The following PLPP4 variants were observed in gnomAD, a reference collection of about 807,000 sequenced individuals.
PLPP4 encodes the protein diacylglycerol pyrophosphate like 2.
A neutral mutation model predicts 32.2 loss-of-function variants in PLPP4; 20 were observed. The observed-to-expected ratio is 0.62, with a 90% CI of 0.44 to 0.90. The LOEUF (loss-of-function observed/expected upper bound fraction) is 0.90. Ranked by LOEUF, PLPP4 falls within the 40% of genes least tolerant of loss-of-function variation. The pLI is 0.00. For missense variants in PLPP4, 257 were observed against 353.1 expected (o/e 0.73, Z 2.18); for synonymous variants, 127 against 133.0 (o/e 0.95, Z 0.31).
intron 6 of PLPP4, among the ~76,000 whole-genome samples, chr10:120,586,972 A>G (rs535806520): frequency 2.6e-4 from 40 of 152,304 alleles, no homozygotes; most frequent in Middle Eastern, 3.4e-3. Flanking sequence ...GCTCTGAAAT[A>G]TGAATAGAAA....
At chr10:120,570,490 A>G (rs1185876895) in intron 5 of PLPP4, among the ~76,000 whole-genome samples, 1 of 152,186 alleles carries the variant, frequency 6.6e-6, no homozygotes, top group Non-Finnish European at 1.5e-5. Flanking sequence ...ATAATTAGCA[A>G]AAGTAAAAAA....
intron 6 of PLPP4, among the ~76,000 whole-genome samples, chr10:120,576,949 G>A (rs1849250863): frequency 6.6e-6 from 1 of 152,178 alleles, no homozygotes; most frequent in African/African-American, 2.4e-5. Context: ...CGGGCCAAAT[G>A]GCCTTTTATG....
Position 120,457,338 on chromosome 10 carries a change from A to T in PLPP4, c.33A>T (p.Arg11=). Residue 11 remains arginine (R), a synonymous_variant, in exon 1 of 7, where the codon CGA becomes CGT. Coordinates refer to ENST00000398250, the MANE Select transcript of PLPP4 (RefSeq NM_001030059.3). Reference sequence around the variant, plus strand: ...AGCTGGCCATTGAGATCGGGGTGCGAGCCCTGCTCTTCGGAGTCTTCGTGT... The same window carrying T: ...AGCTGGCCATTGAGATCGGGGTGCGTGCCCTGCTCTTCGGAGTCTTCGTGT... MRELAIEIGV[R]ALLFGVFVFT... is the part of the protein sequence containing the mutation. 6.5e-7 allele frequency: 1 copy of T among 1,536,106 alleles called. No individual in the cohort carries two copies. Among genetic ancestry groups the T allele is most frequent in the Non-Finnish European group, 8.8e-7 (1 of 1,140,284 alleles).
chr10:120,574,463 A>G (rs1007812476), intron 5 of PLPP4, among the ~76,000 whole-genome samples: 7 of 152,210 alleles, frequency 4.6e-5, no homozygotes, highest in African/African-American at 1.2e-4. Flanking sequence ...CAATGGATTT[A>G]GCACAGCCAT....
chr10:120,580,085 A>C (rs1450271461), intron 6 of PLPP4, among the ~76,000 whole-genome samples: 2 of 139,966 alleles, frequency 1.4e-5, no homozygotes, highest in Non-Finnish European at 3.0e-5. Context: ...ATGCCACTGC[A>C]CTCCAGCCTG....
intron 1 of PLPP4, among the ~76,000 whole-genome samples, chr10:120,491,218 A>C (rs733221): frequency 6.6e-6 from 1 of 151,974 alleles, no homozygotes; most frequent in Non-Finnish European, 1.5e-5. Flanking sequence ...AATTCTGCAG[A>C]TTTCCCTGGG....
intron 6 of PLPP4, among the ~76,000 whole-genome samples, chr10:120,583,097 TG>T (rs749110702): frequency 2.7e-4 from 41 of 152,106 alleles, no homozygotes; most frequent in Admixed American, 4.6e-4. Flanking sequence ...CCTAGTACCT[TG>T]GGTCATGGAG....
At chr10:120,479,151 G>A (rs963207662) in intron 1 of PLPP4, among the ~76,000 whole-genome samples, 5 of 152,100 alleles carry the variant, frequency 3.3e-5, no homozygotes, top group Admixed American at 1.3e-4. Flanking sequence ...GCGTGAACCC[G>A]GGAGGTAGAG....
intron 2 of PLPP4, among the ~76,000 whole-genome samples, chr10:120,510,496 T>A (rs1281884439): frequency 6.6e-6 from 1 of 152,154 alleles, no homozygotes; most frequent in Non-Finnish European, 1.5e-5. Flanking sequence ...CAAGGGAGCA[T>A]CCCCACCTTA....
At chr10:120,523,596 G>C (rs933910472) in intron 5 of PLPP4, among the ~76,000 whole-genome samples, 5 of 152,148 alleles carry the variant, frequency 3.3e-5, no homozygotes, top group Admixed American at 2.0e-4. Flanking sequence ...TCTGTCTCCT[G>C]GTAGGGTCAC....
intron 6 of PLPP4, among the ~76,000 whole-genome samples, chr10:120,577,568 C>A (rs1367609205): frequency 6.6e-6 from 1 of 152,162 alleles, no homozygotes; most frequent in Non-Finnish European, 1.5e-5. Flanking sequence ...GAACTATGAG[C>A]AGTCAAGGGA....
rs966941640 is a variant in PLPP4 at position 120,498,781 on chromosome 10, C to T, written c.57-5037C>T. Among the ~76,000 whole-genome samples, 10 of 151,854 alleles carry T rather than the reference C, an allele frequency of 6.6e-5. 1 individual carries two copies. The highest frequency in any genetic ancestry group is 6.6e-4 in the Admixed American group (10 of 15,230). ...GTTCAAGCAATTCTCGTACCTCAGT[C>T]TTCCAAGTAGCTGGGATTGCAGGCA... On this transcript the variant is annotated intron_variant, in intron 1 of 6. Transcript: ENST00000398250.
In PLPP4 at chr10:120,589,756, C is replaced by T; in HGVS notation, c.*254C>T. ...GGCTGTGAAGGTGGGGTTTGGGGAGCTTGGCCGATTCGTCTATCTGAAATG... is the reference window on the plus strand; with the variant it reads ...GGCTGTGAAGGTGGGGTTTGGGGAGTTTGGCCGATTCGTCTATCTGAAATG... On this transcript the variant is annotated 3_prime_UTR_variant, in exon 7 of 7. Transcript: ENST00000398250. 1 of 453,062 alleles carries T rather than the reference C, an allele frequency of 2.2e-6. No individual in the cohort carries two copies. The highest frequency in any genetic ancestry group is 2.0e-5 in the African/African-American group (1 of 51,036). 28.1% of individuals were successfully genotyped at this position (453,062 alleles called of 1,614,324 possible). A position where few individuals can be genotyped will look rare whatever the true frequency, so the allele number is the denominator to read the frequency against.
chr10:120,507,157 A>G (rs1357649595), intron 2 of PLPP4, among the ~76,000 whole-genome samples: 2 of 152,078 alleles, frequency 1.3e-5, no homozygotes, highest in African/African-American at 4.8e-5. Context: ...TTCAGGGGAC[A>G]TTTTCAGGGA....
intron 3 of PLPP4, among the ~76,000 whole-genome samples, chr10:120,517,023 A>G (rs1406498713): frequency 1.3e-5 from 2 of 152,200 alleles, no homozygotes; most frequent in African/African-American, 4.8e-5. Context: ...TCATATCCAT[A>G]CATTTTCCAG....
At chr10:120,514,644 C>G (rs750373819) in intron 3 of PLPP4, among the ~76,000 whole-genome samples, 3 of 152,130 alleles carry the variant, frequency 2.0e-5, no homozygotes, top group Non-Finnish European at 4.4e-5. Context: ...GGATTAAATG[C>G]GTTTTTCTGG....
rs1589948513 is a variant in PLPP4 at position 120,591,172 on chromosome 10, T to C, written c.*1670T>C. Among the ~76,000 whole-genome samples the C allele has an allele frequency of 6.6e-6, 1 of 152,272 alleles. No individual in the cohort carries two copies. The highest frequency in any genetic ancestry group is 1.9e-4 in the East Asian group (1 of 5,180). On this transcript the variant is annotated 3_prime_UTR_variant, in exon 7 of 7. Coordinates refer to ENST00000398250, the MANE Select transcript of PLPP4 (RefSeq NM_001030059.3). Reference sequence around the variant, plus strand: ...TCAGCCCTGGGCTGCGTGTGCAAGTTAGAAGCATCAGAATATCTTTGATCA... The same window carrying C: ...TCAGCCCTGGGCTGCGTGTGCAAGTCAGAAGCATCAGAATATCTTTGATCA...
At chr10:120,473,605 C>G (rs1843759482) in intron 1 of PLPP4, among the ~76,000 whole-genome samples, 1 of 152,172 alleles carries the variant, frequency 6.6e-6, no homozygotes, top group Non-Finnish European at 1.5e-5. Context: ...TGGTTTGGCT[C>G]TGCATCCCCA....
chr10:120,560,398 A>T (rs113122299), intron 5 of PLPP4, among the ~76,000 whole-genome samples: 2 of 152,136 alleles, frequency 1.3e-5, no homozygotes, highest in Non-Finnish European at 2.9e-5. Context: ...AGCAGATGTG[A>T]ACACCTTATA....
Sources: gnomAD v4.1 joint callset for allele counts (sites outside exome capture counted in the v4.1 genomes callset) on GRCh38, gnomAD v4.1.1 for gene constraint, MANE v1.5 for transcripts, NCBI Gene and HGNC (gene_info 2026-07-23, HGNC 2026-07-21) for gene names.